MAGT1: variants seen among roughly 807,000 people sequenced by gnomAD.
MAGT1 encodes magnesium transporter 1.
MAGT1 carries 4 observed loss-of-function variants against 28.4 expected under a neutral mutation model. That is an observed-to-expected ratio of 0.14 (90% CI 0.07 to 0.32). The LOEUF (loss-of-function observed/expected upper bound fraction) is 0.32, where lower values mean the gene tolerates loss of function less well. MAGT1 is among the 10% of genes least tolerant of loss of function. The pLI is 1.00. For missense variants in MAGT1, 193 were observed against 264.5 expected (o/e 0.73, Z 1.88); for synonymous variants, 89 against 89.7 (o/e 0.99, Z 0.04).
chrX:77,851,172 T>C (rs1487656809), intron 7 of MAGT1, among the ~76,000 whole-genome samples: 2 of 109,890 alleles, frequency 1.8e-5, no homozygotes, highest in African/African-American at 3.3e-5. Flanking sequence ...GGTTTCGCTA[T>C]GTTGGCCAGG....
intron 7 of MAGT1, among the ~76,000 whole-genome samples, chrX:77,845,566 T>C (rs1311275201): frequency 8.9e-6 from 1 of 112,061 alleles, no homozygotes; most frequent in Admixed American, 9.6e-5. Context: ...GTTTTTGCAG[T>C]GGCTGGTGCC....
rs187148341 is a variant in MAGT1, at chrX:77,867,188, A to G, written c.390+3620T>C. 3.7e-4 allele frequency among the ~76,000 whole-genome samples: 25 copies of G among 67,217 alleles called. 7 individuals carry two copies. In the East Asian group the frequency reaches 0.011, roughly 30 times the overall value. 58.4% of individuals were successfully genotyped at this position (67,217 alleles called of 115,157 possible). The stretch of plus-strand genomic sequence containing the variant: ...GAATTGGATCTGTTTAGGCAGCAGC[A>G]AAGTGAACCCCTTGGGCGGTTACAC... On this transcript the variant is annotated intron_variant, in intron 3 of 9. Coordinates refer to ENST00000618282, the MANE Select transcript of MAGT1 (RefSeq NM_001367916.1).
At position 77,829,104 on chromosome X, in the gene MAGT1, C is replaced by T. The variant is rs2076890924; in HGVS notation, c.*116G>A. The T allele has an allele frequency of 6.7e-5, 40 of 596,853 alleles. No homozygotes were observed. In the South Asian group the frequency reaches 1.0e-3, roughly 15 times the overall value. The allele number at this position is 596,853 out of a possible 1,213,427, so 49.2% of individuals were successfully genotyped here. A position where few individuals can be genotyped will look rare whatever the true frequency, so the allele number is the denominator to read the frequency against. On this transcript the variant is annotated 3_prime_UTR_variant, in exon 10 of 10. Transcript: ENST00000618282. ...TGGTTAAATGATTAACTATTTAAAT[C>T]ACTTGAAAAAAAGAGGTAATACAAA...
chrX:77,863,832 G>A (rs188670606), intron 3 of MAGT1, among the ~76,000 whole-genome samples: 131 of 111,227 alleles, frequency 1.2e-3, no homozygotes, highest in African/African-American at 4.2e-3. Flanking sequence ...GACCAGCCTG[G>A]CCAACATGGT....
At chrX:77,843,399 C>T (rs1380639745) in intron 7 of MAGT1, among the ~76,000 whole-genome samples, 2 of 110,632 alleles carry the variant, frequency 1.8e-5, no homozygotes, top group Admixed American at 9.7e-5. Context: ...ACGCCACGTT[C>T]GTTTTGTTGA....
intron 1 of MAGT1, among the ~76,000 whole-genome samples, chrX:77,880,600 T>C (rs2077049140): frequency 9.1e-6 from 1 of 110,183 alleles, no homozygotes; most frequent in Non-Finnish European, 1.9e-5. Flanking sequence ...AAAAAGAATA[T>C]GCCACACACG....
At chrX:77,829,714 A>T (rs1300294679) in intron 9 of MAGT1, among the ~76,000 whole-genome samples, 2 of 111,032 alleles carry the variant, frequency 1.8e-5, no homozygotes, top group Non-Finnish European at 3.8e-5. Flanking sequence ...TATTTTTGAG[A>T]TGGGGTCTCA....
Position 77,831,163 on chromosome X carries a change from G to A in MAGT1, c.902-268C>T, listed in dbSNP as rs562175516. 5.4e-5 allele frequency among the ~76,000 whole-genome samples: 6 copies of A among 110,208 alleles called. No individual in the cohort carries two copies. In the South Asian group the frequency reaches 1.9e-3, roughly 35 times the overall value. On this transcript the variant is annotated intron_variant, in intron 8 of 9. Coordinates refer to ENST00000618282, the MANE Select transcript of MAGT1 (RefSeq NM_001367916.1). ...CTCCAGGGTAGCTGGGACTACAGGC[G>A]CCCGCCACTGCGCCCAGCTAATTTT...
At chrX:77,893,706 T>C (rs1447046142) in intron 1 of MAGT1, among the ~76,000 whole-genome samples, 2 of 111,772 alleles carry the variant, frequency 1.8e-5, no homozygotes, top group African/African-American at 3.3e-5. Flanking sequence ...GACTAGCCTG[T>C]CAACACAGAG....
At chrX:77,856,211 G>A (rs868934978) in intron 5 of MAGT1, among the ~76,000 whole-genome samples, 69 of 110,861 alleles carry the variant, frequency 6.2e-4, no homozygotes, top group African/African-American at 2.0e-3. Flanking sequence ...TGAGGTGGGC[G>A]GGTCACCTGA....
At chrX:77,847,249 C>A (rs1165402609) in intron 7 of MAGT1, among the ~76,000 whole-genome samples, 1 of 112,726 alleles carries the variant, frequency 8.9e-6, no homozygotes, top group African/African-American at 3.2e-5. Flanking sequence ...GGGATATAAT[C>A]TCCTGGTGTG....
At chrX:77,863,972 T>C (rs1211789472) in intron 3 of MAGT1, among the ~76,000 whole-genome samples, 6 of 110,752 alleles carry the variant, frequency 5.4e-5, no homozygotes, top group African/African-American at 2.0e-4. Context: ...AAGCCAAGAT[T>C]GTGCCACTGC....
intron 2 of MAGT1, among the ~76,000 whole-genome samples, chrX:77,871,193 C>G (rs782547552): frequency 3.6e-5 from 4 of 111,994 alleles, no homozygotes; most frequent in Non-Finnish European, 7.5e-5. Flanking sequence ...GTTTCTTATC[C>G]CAAAACTCTT....
chrX:77,860,784 GAAAC>G (rs1204999413), intron 3 of MAGT1, among the ~76,000 whole-genome samples: 60 of 111,730 alleles, frequency 5.4e-4, no homozygotes, highest in African/African-American at 1.8e-3. Context: ...TCTGTCTCAA[GAAAC>G]AAACAAACAA....
chrX:77,883,409 T>C (rs187610983), intron 1 of MAGT1, among the ~76,000 whole-genome samples: 2 of 108,102 alleles, frequency 1.9e-5, no homozygotes, highest in African/African-American at 6.7e-5. Context: ...AGACCAGACT[T>C]CTGGCTATTC....
At chrX:77,857,316 G>T in intron 4 of MAGT1, 41 bp downstream of exon 4, 2 of 1,207,584 alleles carry the variant, frequency 1.7e-6, no homozygotes, top group Non-Finnish European at 2.2e-6. Flanking sequence ...ATTCAAAGGG[G>T]ATAATGGCCA....
intron 7 of MAGT1, among the ~76,000 whole-genome samples, chrX:77,851,731 GGCCGC>G: frequency 9.0e-6 from 1 of 110,523 alleles, no homozygotes; most frequent in East Asian, 2.9e-4. Context: ...TGGCCAGGCT[GGCCGC>G]GAACTCCTGA....
chrX:77,830,828 A>G lies in MAGT1; in HGVS notation c.969T>C (p.Ser323=). The stretch of plus-strand genomic sequence containing the variant: ...ACCTGTATGGGTAGCCATGATATTT[A>G]GATCTAAAAATAGAGAGCATCCAAC... The part of the protein sequence containing the change: ...FFSWMLSIFR[S]KYHGYPYSFL... Residue 323 remains serine, a synonymous_variant, in exon 9 of 10, where the codon TCT becomes TCC. Transcript: ENST00000618282. 6.1e-6 allele frequency: 7 copies of G among 1,153,660 alleles called. No individual in the cohort carries two copies. The highest frequency in any genetic ancestry group is 8.2e-6 in the Non-Finnish European group (7 of 855,725).
At chrX:77,856,060 G>A (rs1024893230) in intron 5 of MAGT1, among the ~76,000 whole-genome samples, 6 of 111,144 alleles carry the variant, frequency 5.4e-5, no homozygotes, top group South Asian at 3.8e-4. Context: ...GAGCCACTGC[G>A]CCTGGCCAGG....
Sources: allele counts gnomAD v4.1 joint callset (sites outside exome capture counted in the v4.1 genomes callset), GRCh38; gene constraint gnomAD v4.1.1; transcripts MANE v1.5; gene names NCBI Gene and HGNC (gene_info 2026-07-23, HGNC 2026-07-21).